AGBL4: variants seen among roughly 807,000 people sequenced by gnomAD.
The protein encoded by AGBL4 is AGBL carboxypeptidase 4.
AGBL4 carries 58 observed loss-of-function variants against 66.4 expected under a neutral mutation model. The ratio of observed to expected loss-of-function variants is 0.87; its 90% CI spans 0.71 to 1.09. The LOEUF is 1.09. AGBL4 is among the 50% of genes least tolerant of loss of function. AGBL4 has a pLI of 0.00. For missense variants in AGBL4, 579 were observed against 631.0 expected (o/e 0.92, Z 0.88); for synonymous variants, 234 against 222.9 (o/e 1.05, Z -0.44).
At chr1:49,562,908 C>T (rs1041688454) in intron 3 of AGBL4, among the ~76,000 whole-genome samples, 9 of 152,070 alleles carry the variant, frequency 5.9e-5, no homozygotes, top group Non-Finnish European at 1.0e-4. Context: ...GCAGTATGGC[C>T]ATTTTCATGA....
chr1:49,580,970 T>C (rs1644531103), intron 3 of AGBL4, among the ~76,000 whole-genome samples: 2 of 152,190 alleles, frequency 1.3e-5, no homozygotes, highest in African/African-American at 4.8e-5. Context: ...ACTTTTTGAT[T>C]CTTCCCTATC....
In AGBL4 at chr1:48,736,627, G is replaced by A. The variant is rs755423363; in HGVS notation, c.635-73386C>T. Among the ~76,000 whole-genome samples the A allele has an allele frequency of 8.5e-5, 13 of 152,180 alleles. No individual in the cohort carries two copies. Among genetic ancestry groups the A allele is most frequent in the Non-Finnish European group, 2.9e-5 (2 of 68,032 alleles). The stretch of plus-strand genomic sequence containing the variant: ...CTATCATCTACTGAATACGTGTAGT[G>A]TGCCAGGCCTTATTCTAGGGCTTTA... On this transcript the variant is annotated intron_variant, in intron 6 of 13. Coordinates refer to ENST00000371839, the MANE Select transcript of AGBL4 (RefSeq NM_032785.4). This position sits in a 1 kb window ranked among gnomAD's most constrained non-coding sequence, Gnocchi z 4.0.
intron 3 of AGBL4, among the ~76,000 whole-genome samples, chr1:49,278,170 T>G (rs867367876): frequency 2.0e-5 from 3 of 152,052 alleles, no homozygotes; most frequent in African/African-American, 7.2e-5. Flanking sequence ...AAGCTGTAGC[T>G]CTATATAACA....
intron 3 of AGBL4, among the ~76,000 whole-genome samples, chr1:49,537,790 G>T (rs1020692696): frequency 1.3e-5 from 2 of 152,194 alleles, no homozygotes; most frequent in Non-Finnish European, 1.5e-5. Context: ...AGCCAGGCAT[G>T]GTGGTGGGTG....
chr1:48,971,842 C>T (rs1233910333), intron 5 of AGBL4, among the ~76,000 whole-genome samples: 2 of 152,108 alleles, frequency 1.3e-5, no homozygotes, highest in African/African-American at 2.4e-5. Context: ...GTTTGTTTGG[C>T]TTGTGAACCC....
chr1:49,735,834 A>G (rs1281634031), intron 2 of AGBL4, among the ~76,000 whole-genome samples: 1 of 152,142 alleles, frequency 6.6e-6, no homozygotes, highest in Non-Finnish European at 1.5e-5. Flanking sequence ...TAGAAGTATA[A>G]AGACAGAGTA....
At chr1:49,154,531 A>T (rs921129491) in intron 4 of AGBL4, among the ~76,000 whole-genome samples, 1 of 152,248 alleles carries the variant, frequency 6.6e-6, no homozygotes, top group Non-Finnish European at 1.5e-5. Flanking sequence ...CTAGAATAGC[A>T]TTGTCTATTG....
intron 3 of AGBL4, among the ~76,000 whole-genome samples, chr1:49,368,289 C>G (rs2148547881): frequency 6.6e-6 from 1 of 152,218 alleles, no homozygotes; most frequent in Non-Finnish European, 1.5e-5. Flanking sequence ...AGTGAAATCA[C>G]TGGGAAATAT....
chr1:49,809,375 C>T (rs763218356), intron 2 of AGBL4, among the ~76,000 whole-genome samples: 16 of 143,750 alleles, frequency 1.1e-4, no homozygotes, highest in Non-Finnish European at 2.4e-4. Context: ...TTGTTCAATT[C>T]CCACTATTCT....
chr1:48,755,454 G>A (rs1652397513), intron 6 of AGBL4, among the ~76,000 whole-genome samples: 1 of 152,284 alleles, frequency 6.6e-6, no homozygotes, highest in African/African-American at 2.4e-5. Context: ...CCCTAGCTGA[G>A]GTGGACAAAA....
intron 6 of AGBL4, among the ~76,000 whole-genome samples, chr1:48,764,463 A>G (rs1420017897): frequency 6.6e-6 from 1 of 152,226 alleles, no homozygotes; most frequent in Non-Finnish European, 1.5e-5. Flanking sequence ...CAAGAGGGGT[A>G]AAGAATAGAA....
intron 3 of AGBL4, among the ~76,000 whole-genome samples, chr1:49,324,166 C>T (rs557949825): frequency 1.3e-5 from 2 of 152,252 alleles, no homozygotes; most frequent in East Asian, 3.9e-4. Flanking sequence ...ATCTATCTGC[C>T]GCAAAACAAA....
intron 3 of AGBL4, among the ~76,000 whole-genome samples, chr1:49,339,479 C>T (rs1489234438): frequency 6.6e-6 from 1 of 152,072 alleles, no homozygotes; most frequent in African/African-American, 2.4e-5. Flanking sequence ...TATATCTGGG[C>T]CCTGTGGCAG....
chr1:49,652,846 AG>A (rs1241579129), intron 3 of AGBL4, among the ~76,000 whole-genome samples: 2 of 152,182 alleles, frequency 1.3e-5, no homozygotes, highest in African/African-American at 4.8e-5. Context: ...TCCTAGGAAG[AG>A]GGGCGGCTGC....
intron 6 of AGBL4, among the ~76,000 whole-genome samples, chr1:48,747,160 C>A (rs77731599): frequency 0.024 from 3,599 of 152,264 alleles, 40 homozygotes; most frequent in Middle Eastern, 0.048. Context: ...TAAGCACTTG[C>A]GTTAAGAGAC....
intron 6 of AGBL4, among the ~76,000 whole-genome samples, chr1:48,751,840 G>A (rs1359151780): frequency 1.3e-5 from 2 of 152,132 alleles, no homozygotes; most frequent in African/African-American, 2.4e-5. Context: ...CCAGGAAAAC[G>A]GAGTCTAGGG....
At chr1:48,743,929 C>A (rs1054147049) in intron 6 of AGBL4, among the ~76,000 whole-genome samples, 1 of 152,140 alleles carries the variant, frequency 6.6e-6, no homozygotes, top group Non-Finnish European at 1.5e-5. Context: ...AACTGAAAGA[C>A]GAAGTCTCTG....
chr1:48,940,137 A>G (rs1280902270), intron 5 of AGBL4, among the ~76,000 whole-genome samples: 1 of 152,204 alleles, frequency 6.6e-6, no homozygotes, highest in Non-Finnish European at 1.5e-5. Context: ...TTAAGAGTTG[A>G]GGAAGGCCCG....
intron 3 of AGBL4, among the ~76,000 whole-genome samples, chr1:49,378,766 C>T (rs1644526061): frequency 6.6e-6 from 1 of 152,074 alleles, no homozygotes; most frequent in Admixed American, 6.6e-5. Flanking sequence ...TTCAGCCAGG[C>T]CAATGGGAAA....
Sources: allele counts gnomAD v4.1 joint callset (sites outside exome capture counted in the v4.1 genomes callset), GRCh38; gene constraint gnomAD v4.1.1; non-coding constraint Gnocchi (gnomAD v3.1); transcripts MANE v1.5; gene names NCBI Gene and HGNC (gene_info 2026-07-23, HGNC 2026-07-21).